SPAG16: variants seen among roughly 807,000 people sequenced by gnomAD.
The protein encoded by SPAG16 is sperm associated antigen 16.
In SPAG16, 86 loss-of-function variants were observed where a neutral mutation model predicts 80.4. The observed-to-expected ratio is 1.07, with a 90% CI of 0.90 to 1.28. The LOEUF (loss-of-function observed/expected upper bound fraction) is 1.28. Ranked by LOEUF, SPAG16 falls within the 50% of genes most tolerant of loss-of-function variation. The pLI is 0.00. For missense variants in SPAG16, 870 were observed against 765.3 expected (o/e 1.14, Z -1.61); for synonymous variants, 294 against 265.9 (o/e 1.11, Z -1.03).
intron 9 of SPAG16, among the ~76,000 whole-genome samples, chr2:213,403,497 A>G (rs569431533): frequency 6.9e-4 from 98 of 142,914 alleles, no homozygotes; most frequent in African/African-American, 2.4e-3. Flanking sequence ...GCCTTTGACA[A>G]AATTCAGCAA....
At chr2:213,790,453 T>C (rs1403023700) in intron 10 of SPAG16, among the ~76,000 whole-genome samples, 1 of 151,976 alleles carries the variant, frequency 6.6e-6, no homozygotes, top group Non-Finnish European at 1.5e-5. Context: ...AAGCATATTT[T>C]TGGTGTAATA....
intron 10 of SPAG16, among the ~76,000 whole-genome samples, chr2:213,784,512 A>G (rs797009843): frequency 6.6e-5 from 10 of 151,492 alleles, no homozygotes; most frequent in African/African-American, 2.4e-4. Flanking sequence ...AAGTAAATGT[A>G]CTTTTTACTT....
At chr2:214,259,473 C>CTTTTTTTTTTTTTTTTTT (rs5838423) in intron 15 of SPAG16, among the ~76,000 whole-genome samples, 1 of 91,256 alleles carries the variant, frequency 1.1e-5, no homozygotes, top group Non-Finnish European at 2.1e-5. Context: ...ACACGTATAG[C>CTTTTTTTTTTTTTTTTTT]TTTTTTTTTT....
At chr2:214,351,726 A>AC (rs1698422309) in intron 15 of SPAG16, among the ~76,000 whole-genome samples, 1 of 151,572 alleles carries the variant, frequency 6.6e-6, no homozygotes, top group Admixed American at 6.6e-5. Context: ...AAACAAAAAA[A>AC]ACAACAAAAC....
At chr2:214,331,692 A>G (rs1033221131) in intron 15 of SPAG16, among the ~76,000 whole-genome samples, 1 of 152,168 alleles carries the variant, frequency 6.6e-6, no homozygotes, top group Admixed American at 6.5e-5. Flanking sequence ...TGGCCTCCTC[A>G]AAAGGCCATC....
intron 10 of SPAG16, among the ~76,000 whole-genome samples, chr2:213,728,872 G>A (rs926782657): frequency 1.6e-4 from 11 of 68,148 alleles, no homozygotes; most frequent in Non-Finnish European, 2.8e-4. Flanking sequence ...GTGAGACTCC[G>A]TCTCAAAAAA....
chr2:213,952,712 G>A (rs6719800), intron 12 of SPAG16, among the ~76,000 whole-genome samples: 71,698 of 151,736 alleles, frequency 0.47, 18,923 homozygotes, highest in South Asian at 0.66. Context: ...CATTCTAACC[G>A]TGGATGGAGG....
At chr2:213,505,729 A>C (rs1339898095) in intron 10 of SPAG16, among the ~76,000 whole-genome samples, 1 of 152,086 alleles carries the variant, frequency 6.6e-6, no homozygotes, top group Admixed American at 6.6e-5. Context: ...CAAATACCAA[A>C]ACAGATAAAC....
At chr2:213,872,253 A>G (rs879710156) in intron 11 of SPAG16, among the ~76,000 whole-genome samples, 2 of 152,158 alleles carry the variant, frequency 1.3e-5, no homozygotes, top group Non-Finnish European at 2.9e-5. Flanking sequence ...AGAGAGAACC[A>G]GCTCTTATAA....
intron 15 of SPAG16, among the ~76,000 whole-genome samples, chr2:214,203,815 G>A (rs999940158): frequency 2.0e-5 from 3 of 152,170 alleles, no homozygotes; most frequent in Non-Finnish European, 2.9e-5. Context: ...TTTCCTGGAC[G>A]GAACCTGGAG....
intron 10 of SPAG16, among the ~76,000 whole-genome samples, chr2:213,604,824 C>T (rs1021689042): frequency 1.3e-5 from 2 of 151,532 alleles, no homozygotes; most frequent in African/African-American, 4.8e-5. Context: ...GTAATATGTA[C>T]ACAATATTCT....
chr2:213,476,477 C>T (rs768403457), intron 9 of SPAG16, among the ~76,000 whole-genome samples: 1 of 152,324 alleles, frequency 6.6e-6, no homozygotes, highest in South Asian at 2.1e-4. Flanking sequence ...TTCTCTGAAT[C>T]TTATAGACCA....
chr2:214,137,768 C>A (rs1016397150), intron 14 of SPAG16, among the ~76,000 whole-genome samples: 2 of 150,474 alleles, frequency 1.3e-5, no homozygotes, highest in African/African-American at 4.9e-5. Flanking sequence ...ACAATTGTTG[C>A]ACATAAAAAA....
intron 10 of SPAG16, among the ~76,000 whole-genome samples, chr2:213,713,684 G>A (rs2066106039): frequency 1.3e-5 from 2 of 152,134 alleles, no homozygotes; most frequent in Admixed American, 6.5e-5. Context: ...ATTCAAGGCA[G>A]GGAAAGAAAG....
chr2:213,665,800 T>A (rs937360137), intron 10 of SPAG16, among the ~76,000 whole-genome samples: 1 of 152,190 alleles, frequency 6.6e-6, no homozygotes, highest in Admixed American at 6.6e-5. Context: ...ATATTTTCTC[T>A]GTGAGGTACA....
intron 11 of SPAG16, among the ~76,000 whole-genome samples, chr2:213,926,999 C>T (rs919087178): frequency 6.6e-6 from 1 of 152,222 alleles, no homozygotes; most frequent in Non-Finnish European, 1.5e-5. Context: ...ATTTCTCACA[C>T]TCCTGGAGCC....
chr2:213,830,569 C>T (rs767287136), intron 10 of SPAG16, among the ~76,000 whole-genome samples: 31 of 152,168 alleles, frequency 2.0e-4, no homozygotes, highest in Admixed American at 2.0e-3. Flanking sequence ...ATTTGGCCAT[C>T]TTGCTCTGCC....
chr2:214,085,440 G>A (rs1167418227), intron 13 of SPAG16, among the ~76,000 whole-genome samples: 1 of 117,370 alleles, frequency 8.5e-6, no homozygotes, highest in Non-Finnish European at 2.0e-5. Context: ...TATCATGAAA[G>A]TCTCCATATG....
intron 4 of SPAG16, among the ~76,000 whole-genome samples, chr2:213,315,324 G>A (rs1173091165): frequency 6.6e-6 from 1 of 151,754 alleles, no homozygotes; most frequent in East Asian, 1.9e-4. Context: ...CTGGCCTCAG[G>A]TATTCTTCTC....
Sources: allele counts gnomAD v4.1 joint callset (sites outside exome capture counted in the v4.1 genomes callset), GRCh38; gene constraint gnomAD v4.1.1; transcripts MANE v1.5; gene names NCBI Gene and HGNC (gene_info 2026-07-23, HGNC 2026-07-21).